The following SYNM variants were observed in gnomAD, a reference collection of about 807,000 sequenced individuals.
SYNM encodes the protein synemin.
Under a neutral mutation model 104.0 loss-of-function variants are expected in SYNM, and 95 were observed. The ratio of observed to expected loss-of-function variants is 0.91; its 90% CI spans 0.77 to 1.08. The LOEUF is 1.08. SYNM is among the 50% of genes least tolerant of loss of function. The pLI is 0.00. For missense variants in SYNM, 2,150 were observed against 2,052.2 expected (o/e 1.05, Z -0.92); for synonymous variants, 918 against 869.0 (o/e 1.06, Z -0.99).
intron 2 of SYNM, among the ~76,000 whole-genome samples, chr15:99,122,842 A>G (rs1282164956): frequency 1.3e-5 from 2 of 152,226 alleles, no homozygotes; most frequent in African/African-American, 4.8e-5. Context: ...CTGTCTCTAC[A>G]TAAATAAATA....
Position 99,126,883 on chromosome 15 carries a change from G to T in SYNM, c.1006+91G>T, listed in dbSNP as rs1451594081. ...GTAAAGCACCATCATCGGGAAGAAC[G>T]GGTTAGATATGGTGTTTAGATAACA... is the stretch of plus-strand genomic sequence containing the variant. On this transcript the variant is annotated intron_variant, in intron 3 of 3. Coordinates refer to ENST00000336292, the MANE Select transcript of SYNM (RefSeq NM_145728.3). 3 of 1,179,420 alleles carry T rather than the reference G, an allele frequency of 2.5e-6. No individual in the cohort carries two copies. The African/African-American group carries it at 4.7e-5, about 18-fold the overall frequency. The allele number at this position is 1,179,420 out of a possible 1,614,324, so 73.1% of individuals were successfully genotyped here.
intron 1 of SYNM, 139 bp downstream of exon 1, chr15:99,106,148 G>T (rs1450873761): frequency 2.1e-6 from 2 of 932,450 alleles, no homozygotes; most frequent in African/African-American, 1.7e-5. Flanking sequence ...GAGGGTGCCC[G>T]AATGGCATGG....
intron 2 of SYNM, among the ~76,000 whole-genome samples, chr15:99,116,749 C>T (rs1333353382): frequency 7.0e-6 from 1 of 143,372 alleles, no homozygotes; most frequent in Non-Finnish European, 1.5e-5. Context: ...CTCACTGCAA[C>T]CTCTACCTCA....
intron 2 of SYNM, among the ~76,000 whole-genome samples, chr15:99,114,707 G>A (rs533419459): frequency 1.3e-5 from 2 of 152,216 alleles, no homozygotes; most frequent in South Asian, 4.1e-4. Context: ...GTGGGGCAGA[G>A]AATGCAGTCC....
At chr15:99,138,620 T>C (rs527440452), downstream of SYNM, among the ~76,000 whole-genome samples, 1 of 152,318 alleles carries the variant, frequency 6.6e-6, no homozygotes, top group East Asian at 1.9e-4. Context: ...GCCCCTCCCA[T>C]CTTTTAAAAT....
Position 99,113,591 on chromosome 15 carries a change from A to G in SYNM, c.811A>G (p.Arg271Gly). 6.2e-7 allele frequency: 1 copy of G among 1,613,296 alleles called. No homozygotes were observed. Among genetic ancestry groups the G allele is most frequent in the South Asian group, 1.1e-5 (1 of 90,868 alleles). ...ATAAAAGTCTGTCTATTCTCTTTAGAGAGTGATTGACTGCCTGGAGGATGA... is the reference window on the plus strand; with the variant it reads ...ATAAAAGTCTGTCTATTCTCTTTAGGGAGTGATTGACTGCCTGGAGGATGA... ...EYGIQAEERQ[R>G]VIDCLEDEKA... Residue 271 changes from arginine (R) to glycine (G), a missense_variant and splice_region_variant, in exon 2 of 4, where the codon AGA (arginine) becomes GGA (glycine). Coordinates refer to ENST00000336292, the MANE Select transcript of SYNM (RefSeq NM_145728.3).
chr15:99,130,553 C>T lies in SYNM; in HGVS notation c.2193C>T (p.Asn731=). 1 of 1,613,794 alleles carries T rather than the reference C, an allele frequency of 6.2e-7. No homozygotes were observed. The highest frequency in any genetic ancestry group is 8.5e-7 in the Non-Finnish European group (1 of 1,179,838). Residue 731 remains asparagine, a synonymous_variant, in exon 4 of 4, where the codon AAC becomes AAT. Transcript: ENST00000336292. ...SAEQMIGDII[N]LGLKGREGRA... is the part of the protein sequence containing the mutation. ...AGCAGATGATAGGAGACATCATCAACCTCGGCCTGAAAGGGAGGGAGGGGA... is the reference window on the plus strand; with the variant it reads ...AGCAGATGATAGGAGACATCATCAATCTCGGCCTGAAAGGGAGGGAGGGGA...
At position 99,130,969 on chromosome 15, in the gene SYNM, T is replaced by TG. The variant is rs1555485723; in HGVS notation, c.2610dup (p.Gln871AlafsTer42). On this transcript the variant is annotated frameshift_variant, in exon 4 of 4. Transcript: ENST00000336292. LOFTEE classifies it high-confidence loss of function. Reference sequence around the variant, plus strand: ...AGGTACTCTTGGCAGGATGAAATCGTGCAGGGGACTCGAAGGAGGACACAG... The same window carrying TG: ...AGGTACTCTTGGCAGGATGAAATCGTGGCAGGGGACTCGAAGGAGGACACAG... 6.2e-7 allele frequency: 1 copy of TG among 1,613,710 alleles called. No homozygotes were observed. Among genetic ancestry groups the TG allele is most frequent in the South Asian group, 1.1e-5 (1 of 91,060 alleles).
chr15:99,138,972 G>A (rs554783024), downstream of SYNM, among the ~76,000 whole-genome samples: 2 of 152,318 alleles, frequency 1.3e-5, no homozygotes, highest in Admixed American at 1.3e-4. Context: ...CAGTCCTGAC[G>A]GGCATCCGAG....
Position 99,113,578 on chromosome 15 carries a change from C to G in SYNM, c.811-13C>G. On this transcript the variant is annotated splice_polypyrimidine_tract_variant and intron_variant, in intron 1 of 3. Coordinates refer to ENST00000336292, the MANE Select transcript of SYNM (RefSeq NM_145728.3). ...CCAGTTCTCTGATATAAAAGTCTGT[C>G]TATTCTCTTTAGAGAGTGATTGACT... 6.2e-7 allele frequency: 1 copy of G among 1,612,756 alleles called. No individual in the cohort carries two copies. Among genetic ancestry groups the G allele is most frequent in the Non-Finnish European group, 8.5e-7 (1 of 1,179,290 alleles).
chr15:99,133,289 A>T lies in SYNM; in HGVS notation c.*231A>T. 1.2e-6 allele frequency: 1 copy of T among 831,066 alleles called. No individual in the cohort carries two copies. The highest frequency in any genetic ancestry group is 1.7e-6 in the Non-Finnish European group (1 of 575,424). The allele number at this position is 831,066 out of a possible 1,614,324, so 51.5% of individuals were successfully genotyped here. ...TTATTTTTGAGTTGGGACTTTTACA[A>T]AACACTTTTTTCCCTGGAGTCTTCT... is the stretch of plus-strand genomic sequence containing the variant. On this transcript the variant is annotated 3_prime_UTR_variant, in exon 4 of 4. Transcript: ENST00000336292.
Position 99,130,706 on chromosome 15 carries a change from G to T in SYNM, c.2346G>T (p.Gly782=). Residue 782 remains glycine, a synonymous_variant, in exon 4 of 4, where the codon GGG becomes GGT. Coordinates refer to ENST00000336292, the MANE Select transcript of SYNM (RefSeq NM_145728.3). ...AAGATGTGTCGCCAGGCCCCTGGGG[G>T]TTGGTTAAGGAGGAGGAAGGTTATG... ...EVEDVSPGPW[G]LVKEEEGYGE... is the part of the protein sequence containing the mutation. 1 of 1,613,960 alleles carries T rather than the reference G, an allele frequency of 6.2e-7. No homozygotes were observed. The highest frequency in any genetic ancestry group is 1.1e-5 in the South Asian group (1 of 91,064).
Position 99,132,153 on chromosome 15 carries a change from C to A in SYNM, c.3793C>A (p.Leu1265Ile), listed in dbSNP as rs782251014. The A allele has an allele frequency of 1.2e-6, 2 of 1,614,030 alleles. No individual in the cohort carries two copies. The highest frequency in any genetic ancestry group is 1.7e-6 in the Non-Finnish European group (2 of 1,179,912). Residue 1265 changes from leucine (L) to isoleucine (I), a missense_variant, in exon 4 of 4, where the codon CTC becomes ATC. By Grantham distance (5) the Leu-to-Ile change is conservative. Coordinates refer to ENST00000336292, the MANE Select transcript of SYNM (RefSeq NM_145728.3). Reference protein sequence around the residue: ...SVGTQTSVRQLQLGPKEGFSG... With the variant: ...SVGTQTSVRQIQLGPKEGFSG... ...GGGTACCCAGACTTCTGTCAGGCAA[C>A]TCCAGTTAGGCCCTAAAGAAGGGTT... is the stretch of plus-strand genomic sequence containing the variant.
chr15:99,105,601 G>A lies in SYNM; in HGVS notation c.402G>A (p.Leu134=). ...CGCGCGCCGCCCTCGAGGCGCTGCT[G>A]GGCCGGCTGCAGGCCGAGCGCCGAG... ...LGARAALEAL[L]GRLQAERRGL... is the part of the protein sequence containing the mutation. Residue 134 remains leucine (L), a synonymous_variant, in exon 1 of 4, where the codon CTG becomes CTA. Transcript: ENST00000336292. 8.2e-7 allele frequency: 1 copy of A among 1,220,132 alleles called. No homozygotes were observed. The highest frequency in any genetic ancestry group is 3.0e-5 in the South Asian group (1 of 33,386). The allele number at this position is 1,220,132 out of a possible 1,614,324, so 75.6% of individuals were successfully genotyped here. A position where few individuals can be genotyped will look rare whatever the true frequency, so the allele number is the denominator to read the frequency against.
intron 3 of SYNM, among the ~76,000 whole-genome samples, chr15:99,127,698 T>C (rs970770985): frequency 7.9e-5 from 12 of 152,182 alleles, no homozygotes; most frequent in African/African-American, 2.9e-4. Context: ...AAAGCAAAGG[T>C]GTTCATGGAA....
In SYNM at chr15:99,132,787, C is replaced by T. The variant is rs570708317; in HGVS notation, c.4427C>T (p.Thr1476Ile). 1.9e-6 allele frequency: 3 copies of T among 1,613,960 alleles called. No homozygotes were observed. The highest frequency in any genetic ancestry group is 2.7e-5 in the African/African-American group (2 of 75,030). ...VSNVEAIRSR[T>I]QEAGALGVSD... Reference sequence around the variant, plus strand: ...AACGTAGAGGCGATCCGCAGCCGGACACAGGAAGCGGGAGCTCTCGGTGTG... The same window carrying T: ...AACGTAGAGGCGATCCGCAGCCGGATACAGGAAGCGGGAGCTCTCGGTGTG... Residue 1476 changes from threonine (T) to isoleucine (I), a missense_variant, in exon 4 of 4, where the codon ACA becomes ATA. By Grantham distance (89) the Thr-to-Ile change is moderately conservative. Transcript: ENST00000336292.
rs995200612 is a variant in SYNM, at chr15:99,106,007, C to G, written c.808C>G (p.Gln270Glu). 4.1e-6 allele frequency: 6 copies of G among 1,454,910 alleles called. No individual in the cohort carries two copies. In the East Asian group the frequency reaches 1.3e-4, roughly 33 times the overall value. 90.1% of individuals were successfully genotyped at this position (1,454,910 alleles called of 1,614,324 possible). A position where few individuals can be genotyped will look rare whatever the true frequency, so the allele number is the denominator to read the frequency against. Residue 270 changes from glutamine (Q) to glutamate (E), a missense_variant and splice_region_variant, in exon 1 of 4, where the codon CAG becomes GAG. Physicochemically the swap from Gln to Glu is conservative, Grantham distance 29 (BLOSUM62 2). Transcript: ENST00000336292. Reference protein sequence around the residue: ...EEYGIQAEERQRVIDCLEDEK... With the variant: ...EEYGIQAEERERVIDCLEDEK... ...GTACGGGATACAGGCCGAGGAGCGG[C>G]AGGTCCGTGCGCGGGGATGGCGCGC...
At chr15:99,106,101 CA>C (rs2067239852) in intron 1 of SYNM, 92 bp downstream of exon 1, 3 of 1,288,396 alleles carry the variant, frequency 2.3e-6, no homozygotes, top group Non-Finnish European at 2.0e-6. Flanking sequence ...GCCCCTTCAC[CA>C]GGGGCGCGGC....
intron 2 of SYNM, among the ~76,000 whole-genome samples, chr15:99,121,274 G>A (rs2067398182): frequency 6.6e-6 from 1 of 152,004 alleles, no homozygotes; most frequent in African/African-American, 2.4e-5. Context: ...CAGCACTGTG[G>A]AGGGGGTAGG....
Sources: allele counts gnomAD v4.1 joint callset (sites outside exome capture counted in the v4.1 genomes callset), GRCh38; gene constraint gnomAD v4.1.1; transcripts MANE v1.5; gene names NCBI Gene and HGNC (gene_info 2026-07-23, HGNC 2026-07-21).